The following OOSP3 variants were observed in gnomAD, a reference collection of about 807,000 sequenced individuals.
The protein encoded by OOSP3 is oocyte secreted protein family member 3, also known as oocyte-secreted protein 3.
chr11:59,885,901 A>G (rs1177014017), intron 2 of OOSP3, among the ~76,000 whole-genome samples: 3 of 150,316 alleles, frequency 2.0e-5, no homozygotes, highest in South Asian at 2.1e-4. Context: ...TTAAAATTTT[A>G]TTTTATGTTC....
intron 4 of OOSP3, 150 bp from the exon 5 acceptor site, chr11:59,895,983 A>T (rs1853353767): frequency 2.5e-6 from 1 of 395,426 alleles, no homozygotes; most frequent in Non-Finnish European, 4.5e-6. Context: ...AAAATTTTCA[A>T]CTCTTTCAAC....
intron 2 of OOSP3, among the ~76,000 whole-genome samples, chr11:59,891,881 A>G (rs1206217305): frequency 6.6e-6 from 1 of 152,212 alleles, no homozygotes; most frequent in African/African-American, 2.4e-5. Flanking sequence ...CATCTTAGGC[A>G]GACTGCAGGC....
chr11:59,879,312 AT>A (rs1171291572), intron 1 of OOSP3, among the ~76,000 whole-genome samples: 1 of 151,908 alleles, frequency 6.6e-6, no homozygotes, highest in Non-Finnish European at 1.5e-5. Context: ...AAAGTTCTTC[AT>A]TTTTTCTCCT....
At chr11:59,880,427 G>T in exon 2 of OOSP3, 1 of 398,542 alleles carries the variant, frequency 2.5e-6, no homozygotes, top group East Asian at 3.6e-5. Context: ...CTCAGTGTGG[G>T]ATTCAGAAAG....
intron 3 of OOSP3, among the ~76,000 whole-genome samples, chr11:59,894,820 T>A (rs1429126923): frequency 6.6e-6 from 1 of 152,140 alleles, no homozygotes. Flanking sequence ...TGAACACACC[T>A]TCTCACCTAA....
intron 2 of OOSP3, among the ~76,000 whole-genome samples, chr11:59,888,353 G>C (rs1590874149): frequency 6.6e-6 from 1 of 152,178 alleles, no homozygotes; most frequent in Non-Finnish European, 1.5e-5. Context: ...AGAGTACTGA[G>C]AGAGGGCATC....
chr11:59,885,367 G>A (rs1853245103), intron 2 of OOSP3, among the ~76,000 whole-genome samples: 1 of 152,118 alleles, frequency 6.6e-6, no homozygotes, highest in African/African-American at 2.4e-5. Context: ...TACATGTGCA[G>A]GATGTGCAGG....
chr11:59,896,100 T>G, intron 4 of OOSP3, 33 bp from the exon 5 acceptor site: 2 of 398,326 alleles, frequency 5.0e-6, no homozygotes, highest in Non-Finnish European at 8.9e-6. Flanking sequence ...CATTGGAAAC[T>G]TTTTATTAAC....
At chr11:59,884,455 GTC>G (rs1853231166) in intron 2 of OOSP3, among the ~76,000 whole-genome samples, 1 of 125,754 alleles carries the variant, frequency 8.0e-6, no homozygotes, top group African/African-American at 3.2e-5. Flanking sequence ...CTGTTTGTCT[GTC>G]TGTCTGTCTG....
intron 2 of OOSP3, among the ~76,000 whole-genome samples, chr11:59,885,720 T>C (rs919195993): frequency 1.3e-5 from 2 of 152,148 alleles, no homozygotes; most frequent in Non-Finnish European, 2.9e-5. Flanking sequence ...CAATCTATCA[T>C]TGATGGGCAT....
intron 2 of OOSP3, among the ~76,000 whole-genome samples, chr11:59,890,666 A>T (rs1051170902): frequency 3.9e-5 from 6 of 152,204 alleles, no homozygotes; most frequent in Non-Finnish European, 8.8e-5. Context: ...TGATGGGCTT[A>T]CCTTTGTAGG....
At chr11:59,887,608 GA>G (rs912342827) in intron 2 of OOSP3, among the ~76,000 whole-genome samples, 4 of 152,144 alleles carry the variant, frequency 2.6e-5, no homozygotes, top group African/African-American at 9.7e-5. Context: ...GATGGTTGTA[GA>G]TGTGCAGTTT....
chr11:59,893,518 T>A (rs1285574194), intron 2 of OOSP3, among the ~76,000 whole-genome samples: 1 of 152,104 alleles, frequency 6.6e-6, no homozygotes, highest in Non-Finnish European at 1.5e-5. Flanking sequence ...TCAACCCGGT[T>A]GATTGTTTTT....
At chr11:59,887,018 C>T (rs1853268246) in intron 2 of OOSP3, among the ~76,000 whole-genome samples, 1 of 152,018 alleles carries the variant, frequency 6.6e-6, no homozygotes, top group African/African-American at 2.4e-5. Flanking sequence ...TGGTCTTGAA[C>T]TCCTGCCCTC....
chr11:59,881,138 G>A (rs76775086), intron 2 of OOSP3, among the ~76,000 whole-genome samples: 1 of 152,052 alleles, frequency 6.6e-6, no homozygotes, highest in Non-Finnish European at 1.5e-5. Context: ...AGGCGGACAC[G>A]TCATGAGGTC....
chr11:59,895,895 A>T (rs1407590962), intron 4 of OOSP3, among the ~76,000 whole-genome samples: 2 of 152,244 alleles, frequency 1.3e-5, no homozygotes, highest in Admixed American at 1.3e-4. Context: ...GACAAATAAA[A>T]GAAAATCTCT....
chr11:59,890,721 C>T (rs962722777), intron 2 of OOSP3, among the ~76,000 whole-genome samples: 4 of 152,046 alleles, frequency 2.6e-5, no homozygotes, highest in Admixed American at 2.6e-4. Context: ...TTTTTTCCTT[C>T]ATTTCGACAT....
In OOSP3 at chr11:59,895,444, T is replaced by C. The variant is rs78972620; in HGVS notation, c.351-58T>C. ...ATTCAGACAAAAAGAGACTTACTGG[T>C]TTGTTTATTTTTAAATGTAATCTGA... On this transcript the variant is annotated intron_variant, in intron 3 of 4. Coordinates refer to ENST00000646438, the Ensembl canonical transcript of OOSP3. 8.2e-3 allele frequency: 3,255 copies of C among 397,266 alleles called. 100 individuals are homozygous for C. The highest frequency in any genetic ancestry group is 0.058 in the African/African-American group (2,828 of 48,588). The allele number at this position is 397,266 out of a possible 1,614,324, so 24.6% of individuals were successfully genotyped here. A position where few individuals can be genotyped will look rare whatever the true frequency, so the allele number is the denominator to read the frequency against.
intron 2 of OOSP3, among the ~76,000 whole-genome samples, chr11:59,883,581 A>G (rs914323055): frequency 6.6e-6 from 1 of 152,240 alleles, no homozygotes; most frequent in Non-Finnish European, 1.5e-5. Context: ...TGTACAAGTC[A>G]TTTGAGAACT....
Sources: allele counts gnomAD v4.1 joint callset (sites outside exome capture counted in the v4.1 genomes callset), GRCh38; gene constraint gnomAD v4.1.1; transcripts MANE v1.5; gene names NCBI Gene and HGNC (gene_info 2026-07-23, HGNC 2026-07-21).